ZNF423: variants seen among roughly 807,000 people sequenced by gnomAD.
The protein encoded by ZNF423 is Ebf-associated zinc finger protein.
ZNF423 carries 12 observed loss-of-function variants against 95.8 expected under a neutral mutation model. That is an observed-to-expected ratio of 0.13 (90% CI 0.08 to 0.20). The LOEUF is 0.20. ZNF423 is among the 10% of genes least tolerant of loss of function. The pLI is 1.00. For synonymous variants in ZNF423, 749 were observed against 711.9 expected, an observed-to-expected ratio of 1.05 and a Z score of -0.83; for missense variants, 1,316 against 1,737.1, an observed-to-expected ratio of 0.76 and a Z score of 4.31.
intron 5 of ZNF423, among the ~76,000 whole-genome samples, chr16:49,573,453 G>A (rs1306020616): frequency 6.6e-6 from 1 of 152,128 alleles, no homozygotes; most frequent in African/African-American, 2.4e-5. Flanking sequence ...TCATGATTCT[G>A]GAGGCTGCAA....
At chr16:49,773,953 T>A (rs1215089636) in intron 2 of ZNF423, among the ~76,000 whole-genome samples, 1 of 152,112 alleles carries the variant, frequency 6.6e-6, no homozygotes, top group Non-Finnish European at 1.5e-5. Flanking sequence ...TGGCCCCAAG[T>A]CTCTGCAAGA....
chr16:49,790,342 G>A (rs927322898), intron 1 of ZNF423, among the ~76,000 whole-genome samples: 8 of 152,266 alleles, frequency 5.3e-5, no homozygotes, highest in African/African-American at 1.9e-4. Context: ...CACTGTCGAT[G>A]TTCTTGCTGG....
intron 4 of ZNF423, among the ~76,000 whole-genome samples, chr16:49,631,195 C>T (rs768790519): frequency 3.3e-5 from 5 of 152,190 alleles, no homozygotes; most frequent in Non-Finnish European, 2.9e-5. Context: ...CTCCCAAATA[C>T]GCCCACAGAC....
At chr16:49,658,840 C>T (rs528664550) in intron 3 of ZNF423, among the ~76,000 whole-genome samples, 20 of 152,352 alleles carry the variant, frequency 1.3e-4, no homozygotes, top group African/African-American at 3.8e-4. Context: ...ATCGCTGACT[C>T]TTTCCTTGGA....
At chr16:49,745,336 C>G (rs2033499484) in intron 2 of ZNF423, among the ~76,000 whole-genome samples, 1 of 152,114 alleles carries the variant, frequency 6.6e-6, no homozygotes, top group Non-Finnish European at 1.5e-5. Flanking sequence ...AACACAAAGA[C>G]AGATCTCTGG....
chr16:49,743,445 C>G (rs538193705), intron 2 of ZNF423, among the ~76,000 whole-genome samples: 11 of 152,306 alleles, frequency 7.2e-5, no homozygotes, highest in African/African-American at 2.6e-4. Context: ...TCTGCTTCCC[C>G]CTTCTCCACC....
chr16:49,838,087 C>G (rs1263249799), intron 1 of ZNF423, among the ~76,000 whole-genome samples: 8 of 152,234 alleles, frequency 5.3e-5, no homozygotes, highest in African/African-American at 1.9e-4. Flanking sequence ...AAGGATCCAT[C>G]CAGAGAAGGA....
chr16:49,710,531 G>A (rs1861345), intron 3 of ZNF423, among the ~76,000 whole-genome samples: 4,354 of 152,280 alleles, frequency 0.029, 205 homozygotes, highest in African/African-American at 0.099. Context: ...AAGTCACCAG[G>A]CGGCAGAAGT....
chr16:49,545,569 G>C (rs1969410063), intron 5 of ZNF423, among the ~76,000 whole-genome samples: 1 of 152,306 alleles, frequency 6.6e-6, no homozygotes, highest in African/African-American at 2.4e-5. Flanking sequence ...CGACAGAAAA[G>C]CAACCCCAGA....
intron 7 of ZNF423, among the ~76,000 whole-genome samples, chr16:49,503,669 T>G (rs1391688884): frequency 6.6e-6 from 1 of 152,216 alleles, no homozygotes; most frequent in Non-Finnish European, 1.5e-5. Context: ...GTCCTGCAAC[T>G]TGCAGTGACC....
At position 49,842,091 on chromosome 16, in the gene ZNF423, G is replaced by A. The variant is rs191668545; in HGVS notation, c.40+13644C>T. 4.1e-3 allele frequency among the ~76,000 whole-genome samples: 613 copies of A among 151,306 alleles called. 4 individuals carry two copies. The highest frequency in any genetic ancestry group is 0.014 in the African/African-American group (584 of 41,162). On this transcript the variant is annotated intron_variant, in intron 1 of 7. Transcript: ENST00000563137. ...GTCTCTACTAAAAATACATAAATTA[G>A]CCAGGCATGGGGGGCAGGCGCCTGT...
chr16:49,506,837 ATG>A (rs1967666330), intron 7 of ZNF423, among the ~76,000 whole-genome samples: 2 of 151,672 alleles, frequency 1.3e-5, no homozygotes, highest in Non-Finnish European at 2.9e-5. Flanking sequence ...GGATGGATGC[ATG>A]GATGGATGGA....
chr16:49,677,325 G>GAGAAGAGAA (rs2031141259), intron 3 of ZNF423, among the ~76,000 whole-genome samples: 1 of 22,668 alleles, frequency 4.4e-5, no homozygotes, highest in Non-Finnish European at 9.1e-5. Flanking sequence ...GGGGAAGGGA[G>GAGAAGAGAA]GGGAGGGGAG....
chr16:49,582,705 A>C (rs1286446603), intron 5 of ZNF423, among the ~76,000 whole-genome samples: 2 of 152,232 alleles, frequency 1.3e-5, no homozygotes, highest in African/African-American at 2.4e-5. Flanking sequence ...GGGTTAGAGA[A>C]GGAAGAATTT....
At chr16:49,525,129 C>T (rs1968551455) in intron 6 of ZNF423, among the ~76,000 whole-genome samples, 1 of 152,210 alleles carries the variant, frequency 6.6e-6, no homozygotes, top group Admixed American at 6.5e-5. Context: ...GGGTGCCAAC[C>T]AGCCTGCTGA....
intron 3 of ZNF423, among the ~76,000 whole-genome samples, chr16:49,703,117 G>A (rs948218426): frequency 5.3e-5 from 8 of 152,166 alleles, no homozygotes; most frequent in Non-Finnish European, 7.3e-5. Context: ...CTCCCTCCTG[G>A]GCTCTGCGGT....
At chr16:49,706,499 T>C (rs1354084982) in intron 3 of ZNF423, among the ~76,000 whole-genome samples, 1 of 152,152 alleles carries the variant, frequency 6.6e-6, no homozygotes, top group Non-Finnish European at 1.5e-5. Flanking sequence ...GCCCCACCAT[T>C]CACAACAGAG....
intron 7 of ZNF423, among the ~76,000 whole-genome samples, chr16:49,520,347 T>C (rs1968345877): frequency 6.6e-6 from 1 of 152,214 alleles, no homozygotes; most frequent in Non-Finnish European, 1.5e-5. Flanking sequence ...CCCTCCGAAC[T>C]TGGAATCAAA....
At chr16:49,668,880 C>T (rs959153006) in intron 3 of ZNF423, among the ~76,000 whole-genome samples, 1 of 152,188 alleles carries the variant, frequency 6.6e-6, no homozygotes, top group Non-Finnish European at 1.5e-5. Flanking sequence ...CTCTGAGTCA[C>T]AAACCTCAAC....
Sources: gnomAD v4.1 joint callset for allele counts (sites outside exome capture counted in the v4.1 genomes callset) on GRCh38, gnomAD v4.1.1 for gene constraint, MANE v1.5 for transcripts, NCBI Gene and HGNC (gene_info 2026-07-23, HGNC 2026-07-21) for gene names.